LINGO2: variants seen among roughly 807,000 people sequenced by gnomAD.
LINGO2 encodes the protein leucine-rich repeat and immunoglobulin-like domain-containing nogo receptor-interacting protein 2.
In LINGO2, 14 loss-of-function variants were observed where a neutral mutation model predicts 30.6. The observed-to-expected ratio is 0.46, with a 90% CI of 0.30 to 0.72. LINGO2 has a LOEUF of 0.72. Ranked by LOEUF, LINGO2 falls within the 30% of genes least tolerant of loss-of-function variation. The pLI, the probability that LINGO2 is intolerant of heterozygous loss-of-function variation, is 0.07. For synonymous variants in LINGO2, 317 were observed against 288.5 expected (o/e 1.10, Z -1.00); for missense variants, 729 against 751.7 (o/e 0.97, Z 0.35).
chr9:28,022,410 C>CTT (rs561844543), intron 4 of LINGO2, among the ~76,000 whole-genome samples: 2 of 152,138 alleles, frequency 1.3e-5, no homozygotes, highest in African/African-American at 4.8e-5. Context: ...CTGTTACACT[C>CTT]TTCTTAATAT....
At chr9:28,811,585 A>G in the LINGO2 span, among the ~76,000 whole-genome samples, 1 of 152,142 alleles carries the variant, frequency 6.6e-6, no homozygotes, top group African/African-American at 2.4e-5. Context: ...ACTTCCTTTT[A>G]GCAATACTAG....
chr9:27,996,213 A>G (rs1423788376), intron 5 of LINGO2, among the ~76,000 whole-genome samples: 1 of 152,180 alleles, frequency 6.6e-6, no homozygotes, highest in Non-Finnish European at 1.5e-5. Flanking sequence ...TGTAGCTACC[A>G]TGGAAAACAG....
At chr9:28,466,997 C>T (rs74360816) in intron 2 of LINGO2, among the ~76,000 whole-genome samples, 3,960 of 151,558 alleles carry the variant, frequency 0.026, 93 homozygotes, top group Non-Finnish European at 0.035. Flanking sequence ...GGATTTGTTC[C>T]ACTAATAAAA....
At chr9:28,100,959 TA>T (rs776407747) in intron 4 of LINGO2, among the ~76,000 whole-genome samples, 9 of 152,052 alleles carry the variant, frequency 5.9e-5, no homozygotes, top group Non-Finnish European at 1.3e-4. Context: ...AATATATGAG[TA>T]AATGAAGATA....
At chr9:29,202,445 AAAAT>A in the LINGO2 span, among the ~76,000 whole-genome samples, 1 of 152,008 alleles carries the variant, frequency 6.6e-6, no homozygotes, top group Non-Finnish European at 1.5e-5. Context: ...CCAACATCTA[AAAAT>A]TGAGTATAAA....
At position 28,437,014 on chromosome 9, in the gene LINGO2, A is replaced by AT. The variant is rs1477643040; in HGVS notation, c.-279+38925dup. Among the ~76,000 whole-genome samples the AT allele has an allele frequency of 2.6e-5, 4 of 152,256 alleles. No homozygotes were observed. The East Asian group carries it at 7.8e-4, about 30-fold the overall frequency. Reference sequence around the variant, plus strand: ...ACTGGGGTTCAAATACCTCAATGTGATGGTTACTTATAGGTATCAACTTGA... The same window carrying AT: ...ACTGGGGTTCAAATACCTCAATGTGATTGGTTACTTATAGGTATCAACTTGA... On this transcript the variant is annotated intron_variant, in intron 2 of 5. Coordinates refer to ENST00000379992, the Ensembl canonical transcript of LINGO2.
At chr9:28,131,182 A>C (rs557650207) in intron 4 of LINGO2, among the ~76,000 whole-genome samples, 8 of 151,858 alleles carry the variant, frequency 5.3e-5, no homozygotes, top group Non-Finnish European at 1.0e-4. Flanking sequence ...AAAAAAAAAA[A>C]CATGAGTGAT....
At chr9:27,996,633 AG>A (rs978513225) in intron 5 of LINGO2, among the ~76,000 whole-genome samples, 77 of 152,296 alleles carry the variant, frequency 5.1e-4, no homozygotes, top group Middle Eastern at 3.4e-3. Flanking sequence ...ATTTAAAAAA[AG>A]GGGGGTTAGT....
chr9:29,171,093 A>G, the LINGO2 span, among the ~76,000 whole-genome samples: 1 of 152,236 alleles, frequency 6.6e-6, no homozygotes, highest in East Asian at 1.9e-4. Flanking sequence ...GTAGTACCGG[A>G]CATGCAGTAC....
At chr9:28,671,847 T>C (rs560117056), upstream of LINGO2, among the ~76,000 whole-genome samples, 12 of 152,126 alleles carry the variant, frequency 7.9e-5, no homozygotes, top group South Asian at 2.1e-3. Flanking sequence ...ATATAGAAGA[T>C]TGGAACATAA....
chr9:28,056,230 C>T (rs10968317), intron 4 of LINGO2, among the ~76,000 whole-genome samples: 1 of 152,042 alleles, frequency 6.6e-6, no homozygotes, highest in Admixed American at 6.6e-5. Flanking sequence ...TCAGATGTGC[C>T]TAATGGCAAG....
the LINGO2 span, among the ~76,000 whole-genome samples, chr9:28,882,272 T>C: frequency 6.6e-6 from 1 of 152,166 alleles, no homozygotes; most frequent in Non-Finnish European, 1.5e-5. Flanking sequence ...TAAAACAGCA[T>C]TACCTGTCTA....
At chr9:28,246,256 T>G (rs922347685) in intron 4 of LINGO2, among the ~76,000 whole-genome samples, 4 of 151,974 alleles carry the variant, frequency 2.6e-5, no homozygotes, top group Non-Finnish European at 5.9e-5. Context: ...AAACCCCATC[T>G]CTACTAAAAA....
At chr9:28,254,326 T>G (rs567549302) in intron 4 of LINGO2, among the ~76,000 whole-genome samples, 3 of 152,222 alleles carry the variant, frequency 2.0e-5, no homozygotes, top group South Asian at 4.1e-4. Flanking sequence ...TGTTGGAATA[T>G]AGCAATGAAA....
chr9:28,510,626 A>G (rs1820338147), intron 1 of LINGO2, among the ~76,000 whole-genome samples: 1 of 151,960 alleles, frequency 6.6e-6, no homozygotes, highest in African/African-American at 2.4e-5. Context: ...AAAAATCCAC[A>G]TATGAATGGC....
chr9:28,708,930 CAACA>C, the LINGO2 span, among the ~76,000 whole-genome samples: 4 of 151,984 alleles, frequency 2.6e-5, no homozygotes, highest in Admixed American at 6.6e-5. Flanking sequence ...CAGATGCAAC[CAACA>C]AACAATGTAT....
chr9:28,003,922 T>C (rs1484043813), intron 5 of LINGO2, among the ~76,000 whole-genome samples: 1 of 152,202 alleles, frequency 6.6e-6, no homozygotes, highest in Non-Finnish European at 1.5e-5. Flanking sequence ...AACACCACTA[T>C]GTACCAACAC....
chr9:28,525,231 A>G (rs942465714), intron 1 of LINGO2, among the ~76,000 whole-genome samples: 38 of 152,222 alleles, frequency 2.5e-4, no homozygotes, highest in Non-Finnish European at 4.8e-4. Flanking sequence ...ATGTAGAGAA[A>G]TTAGAACTAT....
chr9:28,947,627 G>C, the LINGO2 span, among the ~76,000 whole-genome samples: 1 of 151,210 alleles, frequency 6.6e-6, no homozygotes, highest in Non-Finnish European at 1.5e-5. Context: ...TTGTAGACTG[G>C]GTTACAAAAT....
Sources: allele counts gnomAD v4.1 joint callset (sites outside exome capture counted in the v4.1 genomes callset), GRCh38; gene constraint gnomAD v4.1.1; transcripts MANE v1.5; gene names NCBI Gene and HGNC (gene_info 2026-07-23, HGNC 2026-07-21).